The following ZBTB7C variants were observed in gnomAD, a reference collection of about 807,000 sequenced individuals.
The protein encoded by ZBTB7C is zinc finger and BTB domain containing 7C.
A neutral mutation model predicts 25.7 loss-of-function variants in ZBTB7C; 8 were observed. The observed-to-expected ratio is 0.31, with a 90% CI of 0.18 to 0.56. The LOEUF (loss-of-function observed/expected upper bound fraction) is 0.56, where lower values mean the gene tolerates loss of function less well. Among genes scored for constraint, ZBTB7C ranks in the 20% least tolerant of loss-of-function variants. The pLI, the probability that ZBTB7C is intolerant of heterozygous loss-of-function variation, is 0.91. For missense variants in ZBTB7C, 824 were observed against 855.2 expected (o/e 0.96, Z 0.46); for synonymous variants, 394 against 369.0 (o/e 1.07, Z -0.78).
At chr18:48,275,677 T>C (rs953131371) in intron 2 of ZBTB7C, among the ~76,000 whole-genome samples, 3 of 152,248 alleles carry the variant, frequency 2.0e-5, no homozygotes, top group Admixed American at 6.5e-5. Flanking sequence ...ACTTGTATTT[T>C]TGTAGCATTA....
chr18:48,221,301 C>CTT (rs2042948187), intron 2 of ZBTB7C, among the ~76,000 whole-genome samples: 1 of 147,146 alleles, frequency 6.8e-6, no homozygotes, highest in African/African-American at 2.5e-5. Flanking sequence ...TATACTGTCC[C>CTT]AGTCTCCCTC....
chr18:48,154,280 G>C (rs1353041515), intron 3 of ZBTB7C, among the ~76,000 whole-genome samples: 1 of 152,230 alleles, frequency 6.6e-6, no homozygotes, highest in African/African-American at 2.4e-5. Context: ...GAAGCAGTCT[G>C]AGGATAGACC....
At chr18:48,211,335 T>C (rs1202899177) in intron 2 of ZBTB7C, among the ~76,000 whole-genome samples, 1 of 152,072 alleles carries the variant, frequency 6.6e-6, no homozygotes, top group Admixed American at 6.5e-5. Flanking sequence ...AAACAACTGG[T>C]AAGCTGAACC....
chr18:48,032,602 T>C (rs922947237), intron 4 of ZBTB7C, among the ~76,000 whole-genome samples: 1 of 151,136 alleles, frequency 6.6e-6, no homozygotes, highest in Admixed American at 6.6e-5. Context: ...GCCTGGCTAA[T>C]TTTTTTTGTA....
rs75181636 is a variant in ZBTB7C at position 48,134,044 on chromosome 18, G to A, written c.-17+51890C>T. Among the ~76,000 whole-genome samples, 1,088 of 150,978 alleles carry A rather than the reference G, an allele frequency of 7.2e-3. 9 individuals are homozygous for A. The highest frequency in any genetic ancestry group is 0.011 in the Non-Finnish European group (722 of 67,896). On this transcript the variant is annotated intron_variant, in intron 3 of 4. Coordinates refer to ENST00000590800, the MANE Select transcript of ZBTB7C (RefSeq NM_001318841.2). ...GAAAATGCCTTTATTCTGGCAGCAC[G>A]ACATCAAGGTAGTATGCAATATGAT...
chr18:48,207,352 T>G (rs193016933), intron 2 of ZBTB7C, among the ~76,000 whole-genome samples: 2 of 152,248 alleles, frequency 1.3e-5, no homozygotes, highest in Admixed American at 6.5e-5. Flanking sequence ...CACAAAAACC[T>G]CAATGAGAAT....
chr18:48,235,212 T>C (rs2043348619), intron 2 of ZBTB7C, among the ~76,000 whole-genome samples: 1 of 152,182 alleles, frequency 6.6e-6, no homozygotes, highest in South Asian at 2.1e-4. Context: ...TTTTATATGG[T>C]GTTTTTTTCT....
At chr18:48,291,687 C>A (rs1016025848) in intron 2 of ZBTB7C, among the ~76,000 whole-genome samples, 1 of 152,182 alleles carries the variant, frequency 6.6e-6, no homozygotes, top group Admixed American at 6.5e-5. Flanking sequence ...CAATCTATAG[C>A]CACAGCCATT....
intron 3 of ZBTB7C, among the ~76,000 whole-genome samples, chr18:48,073,818 C>T (rs1289715435): frequency 6.6e-6 from 1 of 152,072 alleles, no homozygotes; most frequent in Non-Finnish European, 1.5e-5. Context: ...AGCCCTTGCT[C>T]CCCGAGTTTC....
At chr18:48,224,166 C>T (rs953720688) in intron 2 of ZBTB7C, among the ~76,000 whole-genome samples, 2 of 152,196 alleles carry the variant, frequency 1.3e-5, no homozygotes, top group African/African-American at 2.4e-5. Flanking sequence ...ATGGTCTCTG[C>T]TACTAGCAGC....
chr18:48,052,906 T>C (rs2036752784), intron 3 of ZBTB7C, among the ~76,000 whole-genome samples: 1 of 152,174 alleles, frequency 6.6e-6, no homozygotes, highest in Non-Finnish European at 1.5e-5. Flanking sequence ...CGACTTCAGA[T>C]GTCTTGGGGC....
chr18:48,165,544 C>G (rs1599009370), intron 3 of ZBTB7C: 1 of 199,070 alleles, frequency 5.0e-6, no homozygotes, highest in African/African-American at 2.3e-5. Context: ...AAGACAAAGC[C>G]TTTCCCTCTG....
chr18:48,205,133 T>C lies in ZBTB7C; in HGVS notation c.-78-19138A>G, dbSNP rs2042549183. 3.9e-5 allele frequency among the ~76,000 whole-genome samples: 6 copies of C among 152,076 alleles called. No individual in the cohort carries two copies. In the South Asian group the frequency reaches 1.2e-3, roughly 32 times the overall value. On this transcript the variant is annotated intron_variant, in intron 2 of 4. Transcript: ENST00000590800. ...ATTTTCAGGGTAGCCAGGAAGTATT[T>C]ACTGAGGTCTAGCACTCTGCAGAAG...
At chr18:48,304,862 AAGAT>A (rs1391230239) in intron 2 of ZBTB7C, among the ~76,000 whole-genome samples, 5 of 151,602 alleles carry the variant, frequency 3.3e-5, no homozygotes, top group Non-Finnish European at 7.4e-5. Flanking sequence ...AAAAAAAAAA[AAGAT>A]AGCCTTGTTA....
chr18:48,241,079 G>A (rs1230569553), intron 2 of ZBTB7C, among the ~76,000 whole-genome samples: 1 of 151,620 alleles, frequency 6.6e-6, no homozygotes, highest in Non-Finnish European at 1.5e-5. Flanking sequence ...AGCCTTTAAA[G>A]CAACAACAAT....
chr18:48,237,804 G>A (rs2043421134), intron 2 of ZBTB7C, among the ~76,000 whole-genome samples: 1 of 152,144 alleles, frequency 6.6e-6, no homozygotes, highest in Admixed American at 6.5e-5. Context: ...CAGCAGCATT[G>A]TTTATATTTG....
chr18:48,181,405 A>C (rs1283409013), intron 3 of ZBTB7C, among the ~76,000 whole-genome samples: 1 of 152,208 alleles, frequency 6.6e-6, no homozygotes, highest in African/African-American at 2.4e-5. Flanking sequence ...CTCCCCACTC[A>C]GTGGACAAGG....
intron 3 of ZBTB7C, among the ~76,000 whole-genome samples, chr18:48,064,936 A>G (rs2037267294): frequency 1.3e-5 from 2 of 152,180 alleles, no homozygotes; most frequent in South Asian, 4.1e-4. Flanking sequence ...TCCCTCCTTC[A>G]GGGTACTCCT....
chr18:48,072,950 GC>G (rs1195812451), intron 3 of ZBTB7C, among the ~76,000 whole-genome samples: 4 of 152,182 alleles, frequency 2.6e-5, no homozygotes, highest in Non-Finnish European at 5.9e-5. Flanking sequence ...CCAGGCCACA[GC>G]CCCACTCTCC....
Sources: gnomAD v4.1 joint callset for allele counts (sites outside exome capture counted in the v4.1 genomes callset) on GRCh38, gnomAD v4.1.1 for gene constraint, MANE v1.5 for transcripts, NCBI Gene and HGNC (gene_info 2026-07-23, HGNC 2026-07-21) for gene names.